GANC: variants seen among roughly 807,000 people sequenced by gnomAD.
GANC encodes neutral alpha-glucosidase C.
In GANC, 117 loss-of-function variants were observed where a neutral mutation model predicts 124.2. That is an observed-to-expected ratio of 0.94 (90% CI 0.81 to 1.10). GANC has a LOEUF of 1.10. GANC is among the 50% of genes least tolerant of loss of function. The probability of loss-of-function intolerance (pLI) is 0.00; values close to 1 mark genes in which losing one functional copy is unlikely to be tolerated. For synonymous variants in GANC, 377 were observed against 376.8 expected (o/e 1.00, Z -0.01); for missense variants, 1,140 against 1,095.0 (o/e 1.04, Z -0.58).
At chr15:42,302,342 C>A (rs954394204) in intron 6 of GANC, among the ~76,000 whole-genome samples, 4 of 152,158 alleles carry the variant, frequency 2.6e-5, no homozygotes, top group African/African-American at 9.7e-5. Flanking sequence ...AAAACCCTAT[C>A]CGAAGGTCAC....
At chr15:42,300,072 A>AGGCTC (rs2051931033) in intron 6 of GANC, among the ~76,000 whole-genome samples, 1 of 152,244 alleles carries the variant, frequency 6.6e-6, no homozygotes, top group Non-Finnish European at 1.5e-5. Context: ...TTCGTGATGA[A>AGGCTC]AGCGCCAAAA....
At chr15:42,332,501 C>T (rs1659213) in intron 15 of GANC, among the ~76,000 whole-genome samples, 122,617 of 152,034 alleles carry the variant, frequency 0.81, 52,055 homozygotes, top group Non-Finnish European at 0.94. Flanking sequence ...TTACAGGAAA[C>T]ACTACTTTGT....
At chr15:42,344,090 A>C (rs950661973) in intron 19 of GANC, among the ~76,000 whole-genome samples, 6 of 152,184 alleles carry the variant, frequency 3.9e-5, no homozygotes, top group Non-Finnish European at 5.9e-5. Flanking sequence ...ACCCCATGAA[A>C]CCACATCCAG....
intron 3 of GANC, among the ~76,000 whole-genome samples, chr15:42,287,192 A>T (rs2051797669): frequency 1.3e-5 from 2 of 152,166 alleles, no homozygotes; most frequent in African/African-American, 4.8e-5. Context: ...GCCTCCTTTC[A>T]TCCACCACTA....
At chr15:42,308,149 A>T (rs978787785) in intron 7 of GANC, 73 bp from the exon 8 acceptor site, 4 of 905,780 alleles carry the variant, frequency 4.4e-6, no homozygotes, top group East Asian at 4.9e-5. Context: ...ATCTCTCTGC[A>T]CTCAGAATTA....
At chr15:42,349,253 T>C (rs2052397785) in intron 21 of GANC, 130 bp from the exon 22 acceptor site, 1 of 637,942 alleles carries the variant, frequency 1.6e-6, no homozygotes, top group Middle Eastern at 2.6e-4. Context: ...GTTAGGTATT[T>C]GTACGACTAC....
In GANC at chr15:42,273,285, G is replaced by A. The variant is rs140400607; in HGVS notation, c.-1197G>A. The A allele has an allele frequency of 2.7e-5, 44 of 1,614,142 alleles. No homozygotes were observed. In the African/African-American group the frequency reaches 5.2e-4, roughly 19 times the overall value. On this transcript the variant is annotated 5_prime_UTR_variant, in exon 1 of 24. Transcript: ENST00000318010. ...GTATCGGAATGTGCCATTTGGACCG[G>A]TCGGCAGCAGCTACGGTTGCCGGTC...
chr15:42,273,532 A>C lies in GANC; in HGVS notation c.-950A>C. The C allele has an allele frequency of 7.0e-7, 1 of 1,435,438 alleles. No individual in the cohort carries two copies. Among genetic ancestry groups the C allele is most frequent in the East Asian group, 2.5e-5 (1 of 40,390 alleles). The allele number at this position is 1,435,438 out of a possible 1,614,324, so 88.9% of individuals were successfully genotyped here. Reference sequence around the variant, plus strand: ...GCGGAGCTTGTTTGCTGTGCGGCGTAGCGGCCCCTCTCTCAGACAGTCGTC... The same window carrying C: ...GCGGAGCTTGTTTGCTGTGCGGCGTCGCGGCCCCTCTCTCAGACAGTCGTC... On this transcript the variant is annotated 5_prime_UTR_variant, in exon 1 of 24. Coordinates refer to ENST00000318010, the MANE Select transcript of GANC (RefSeq NM_198141.3).
At chr15:42,327,127 T>C (rs923949927) in intron 12 of GANC, among the ~76,000 whole-genome samples, 4 of 152,236 alleles carry the variant, frequency 2.6e-5, no homozygotes, top group Non-Finnish European at 5.9e-5. Context: ...GGCTCTATCA[T>C]GATACTTGTG....
intron 17 of GANC, 83 bp from the exon 18 acceptor site, chr15:42,340,601 TAAAAAA>T: frequency 2.5e-6 from 2 of 795,272 alleles, no homozygotes; most frequent in South Asian, 1.6e-5. Context: ...GAGATCCATC[TAAAAAA>T]AAAAAAAAAA....
chr15:42,351,606 G>T (rs370903163), intron 23 of GANC, among the ~76,000 whole-genome samples, 174 bp downstream of exon 23: 2 of 152,174 alleles, frequency 1.3e-5, no homozygotes, highest in South Asian at 2.1e-4. Context: ...TTCTCTTCAT[G>T]AATTGATCTT....
At chr15:42,331,114 A>C (rs1025836830) in intron 15 of GANC, among the ~76,000 whole-genome samples, 3 of 152,162 alleles carry the variant, frequency 2.0e-5, no homozygotes, top group Admixed American at 1.3e-4. Context: ...CTTCCTTTTC[A>C]ATAGCCATTG....
chr15:42,318,309 G>A (rs1161335393), intron 10 of GANC, among the ~76,000 whole-genome samples: 1 of 152,112 alleles, frequency 6.6e-6, no homozygotes, highest in African/African-American at 2.4e-5. Context: ...TTGCATTGGA[G>A]GTACTCTTTT....
At chr15:42,298,012 A>C (rs1048191061) in intron 6 of GANC, among the ~76,000 whole-genome samples, 2 of 152,200 alleles carry the variant, frequency 1.3e-5, no homozygotes, top group Non-Finnish European at 2.9e-5. Flanking sequence ...AATTACAAGC[A>C]TGAGGAGTGT....
At chr15:42,279,093 G>T (rs966526007) in intron 3 of GANC, among the ~76,000 whole-genome samples, 1 of 152,230 alleles carries the variant, frequency 6.6e-6, no homozygotes, top group African/African-American at 2.4e-5. Context: ...TAGATTGCCT[G>T]TGTATCAGAT....
intron 3 of GANC, among the ~76,000 whole-genome samples, chr15:42,279,347 T>C (rs941014840): frequency 6.6e-6 from 1 of 152,118 alleles, no homozygotes; most frequent in Non-Finnish European, 1.5e-5. Context: ...AGGTACAAAT[T>C]CAGGGTATGT....
chr15:42,285,288 T>C (rs1204328264), intron 3 of GANC, among the ~76,000 whole-genome samples: 1 of 152,116 alleles, frequency 6.6e-6, no homozygotes, highest in Non-Finnish European at 1.5e-5. Flanking sequence ...GACTTAGGAC[T>C]CAGTACAGGG....
intron 10 of GANC, among the ~76,000 whole-genome samples, chr15:42,311,674 C>T (rs1052157904): frequency 6.6e-6 from 1 of 151,986 alleles, no homozygotes; most frequent in African/African-American, 2.4e-5. Context: ...GAGGAGGTGC[C>T]ACACACTTTT....
At chr15:42,346,318 A>C (rs1178556983) in intron 20 of GANC, among the ~76,000 whole-genome samples, 1 of 152,136 alleles carries the variant, frequency 6.6e-6, no homozygotes, top group Non-Finnish European at 1.5e-5. Context: ...ATAGAGACAG[A>C]AGGTAGGTCC....
Sources: gnomAD v4.1 joint callset for allele counts (sites outside exome capture counted in the v4.1 genomes callset) on GRCh38, gnomAD v4.1.1 for gene constraint, MANE v1.5 for transcripts, NCBI Gene and HGNC (gene_info 2026-07-23, HGNC 2026-07-21) for gene names.